Variants in NKAIN2 observed in about 807,000 individuals in gnomAD.
The protein encoded by NKAIN2 is sodium/potassium transporting ATPase interacting 2.
A neutral mutation model predicts 32.6 loss-of-function variants in NKAIN2; 14 were observed. The observed-to-expected ratio is 0.43, with a 90% CI of 0.28 to 0.67. NKAIN2 has a LOEUF of 0.67. Among genes scored for constraint, NKAIN2 ranks in the 30% least tolerant of loss-of-function variants. NKAIN2 has a pLI of 0.17. For synonymous variants in NKAIN2, 80 were observed against 87.2 expected (o/e 0.92, Z 0.46); for missense variants, 198 against 258.3 (o/e 0.77, Z 1.60).
intron 1 of NKAIN2, among the ~76,000 whole-genome samples, chr6:124,064,334 TAA>T (rs1212018007): frequency 6.6e-6 from 1 of 152,158 alleles, no homozygotes; most frequent in East Asian, 1.9e-4. Flanking sequence ...GTGCTTTTGC[TAA>T]AAAAATGTGA....
At chr6:124,014,882 A>G (rs889961309) in intron 1 of NKAIN2, among the ~76,000 whole-genome samples, 1 of 152,114 alleles carries the variant, frequency 6.6e-6, no homozygotes, top group Non-Finnish European at 1.5e-5. Flanking sequence ...AACATTTATT[A>G]CTTGTTTAAC....
intron 4 of NKAIN2, among the ~76,000 whole-genome samples, chr6:124,666,437 A>G (rs1397093949): frequency 6.6e-6 from 1 of 152,130 alleles, no homozygotes. Context: ...AATAGTAAAA[A>G]ATATTATTAT....
Position 124,004,320 on chromosome 6 carries a change from A to G in NKAIN2, c.54+200066A>G, listed in dbSNP as rs80088823. ...TTTGTTTACAGGATAGATCTTCAGT[A>G]AAGAGAATGCAGCCTGAATCATTCA... is the stretch of plus-strand genomic sequence containing the variant. On this transcript the variant is annotated intron_variant, in intron 1 of 6. Coordinates refer to ENST00000368417, the MANE Select transcript of NKAIN2 (RefSeq NM_001040214.3). 1.1e-3 allele frequency among the ~76,000 whole-genome samples: 164 copies of G among 152,256 alleles called. 1 individual carries two copies. In the East Asian group the frequency reaches 0.029, roughly 27 times the overall value.
rs559196089 is a variant in NKAIN2 at position 123,909,389 on chromosome 6, G to T, written c.54+105135G>T. ...TGCTGGGTGTGTGGAATGATTCTGG[G>T]ACTACTTCACAGGAAAAAACGAATA... On this transcript the variant is annotated intron_variant, in intron 1 of 6. Coordinates refer to ENST00000368417, the MANE Select transcript of NKAIN2 (RefSeq NM_001040214.3). 1.1e-4 allele frequency among the ~76,000 whole-genome samples: 16 copies of T among 152,202 alleles called. No homozygotes were observed. The South Asian group carries it at 3.1e-3, about 30-fold the overall frequency.
At chr6:124,044,678 CA>C (rs1782037411) in intron 1 of NKAIN2, among the ~76,000 whole-genome samples, 1 of 152,038 alleles carries the variant, frequency 6.6e-6, no homozygotes, top group Admixed American at 6.6e-5. Context: ...CTGTGTTAAA[CA>C]AGGCCATTCG....
intron 1 of NKAIN2, among the ~76,000 whole-genome samples, chr6:124,196,081 A>G (rs1341079927): frequency 1.3e-5 from 2 of 152,146 alleles, no homozygotes; most frequent in African/African-American, 4.8e-5. Flanking sequence ...TTTCTTTCCA[A>G]CAAACTAGTG....
intron 1 of NKAIN2, among the ~76,000 whole-genome samples, chr6:123,820,231 C>G (rs1444325444): frequency 6.6e-6 from 1 of 152,150 alleles, no homozygotes; most frequent in African/African-American, 2.4e-5. Context: ...GCAAAGGATA[C>G]ATTGATTAGT....
intron 3 of NKAIN2, among the ~76,000 whole-genome samples, chr6:124,552,633 T>C (rs1403236773): frequency 5.3e-5 from 8 of 152,188 alleles, no homozygotes; most frequent in African/African-American, 1.9e-4. Context: ...GCCAAGCCAA[T>C]GAAGTCACTG....
intron 3 of NKAIN2, among the ~76,000 whole-genome samples, chr6:124,564,830 A>G (rs1780842809): frequency 6.6e-6 from 1 of 152,252 alleles, no homozygotes; most frequent in Non-Finnish European, 1.5e-5. Context: ...AAATAGTTGC[A>G]GAAAGGCAAG....
rs938947753 is a variant in NKAIN2 at position 124,113,605 on chromosome 6, T to C, written c.55-169400T>C. Among the ~76,000 whole-genome samples, 4 of 152,160 alleles carry C rather than the reference T, an allele frequency of 2.6e-5. No individual in the cohort carries two copies. In the South Asian group the frequency reaches 8.3e-4, roughly 32 times the overall value. On this transcript the variant is annotated intron_variant, in intron 1 of 6. Transcript: ENST00000368417. ...AGGCTAGCAAGGCAAAGGCCAGTTC[T>C]CTGTGTCCCCCCGCCCCGACTCCCC...
At chr6:124,435,241 A>T (rs556736443) in intron 3 of NKAIN2, among the ~76,000 whole-genome samples, 2 of 152,238 alleles carry the variant, frequency 1.3e-5, no homozygotes, top group African/African-American at 4.8e-5. Flanking sequence ...ATGTTTGAGA[A>T]ATCAAGGAAA....
At chr6:124,796,234 T>A (rs1488110681) in intron 5 of NKAIN2, among the ~76,000 whole-genome samples, 1 of 152,122 alleles carries the variant, frequency 6.6e-6, no homozygotes, top group African/African-American at 2.4e-5. Context: ...AAAATCTAGG[T>A]GTTAGAAACC....
At chr6:124,789,263 G>C (rs1433024845) in intron 4 of NKAIN2, among the ~76,000 whole-genome samples, 1 of 152,046 alleles carries the variant, frequency 6.6e-6, no homozygotes, top group Non-Finnish European at 1.5e-5. Flanking sequence ...ATGAATTGAT[G>C]AGTAAGAATT....
intron 1 of NKAIN2, among the ~76,000 whole-genome samples, chr6:124,182,736 G>T (rs1477338249): frequency 6.6e-6 from 1 of 152,050 alleles, no homozygotes; most frequent in East Asian, 1.9e-4. Flanking sequence ...AATAATTAAG[G>T]TGTCAGATGG....
chr6:124,040,658 C>A lies in NKAIN2; in HGVS notation c.54+236404C>A, dbSNP rs374326230. 1.4e-4 allele frequency among the ~76,000 whole-genome samples: 21 copies of A among 152,020 alleles called. No homozygotes were observed. In the South Asian group the frequency reaches 4.4e-3, roughly 32 times the overall value. On this transcript the variant is annotated intron_variant, in intron 1 of 6. Transcript: ENST00000368417. ...GCTTGATGATATTATGGAATGAACA[C>A]CAGATAACTATGATATAGGTGTTTT...
In NKAIN2 at chr6:124,308,987, C is replaced by CT. The variant is rs573041819; in HGVS notation, c.192+25847dup. ...ATTACAGAATGATAATACCTATCGA[C>CT]TTGGAAAATAAAAGAGACTACAGAA... On this transcript the variant is annotated intron_variant, in intron 2 of 6. Coordinates refer to ENST00000368417, the MANE Select transcript of NKAIN2 (RefSeq NM_001040214.3). Among the ~76,000 whole-genome samples, 24 of 152,250 alleles carry CT rather than the reference C, an allele frequency of 1.6e-4. No individual in the cohort carries two copies. The South Asian group carries it at 5.0e-3, about 32-fold the overall frequency.
At chr6:124,352,413 T>C (rs1447486543) in intron 2 of NKAIN2, among the ~76,000 whole-genome samples, 1 of 152,224 alleles carries the variant, frequency 6.6e-6, no homozygotes, top group Non-Finnish European at 1.5e-5. Flanking sequence ...ATATATACCA[T>C]GTGAATACAG....
rs190663836 is a variant in NKAIN2, at chr6:124,156,953, A to C, written c.55-126052A>C. On this transcript the variant is annotated intron_variant, in intron 1 of 6. Transcript: ENST00000368417. ...CCCCGTCTTTACTAAAAATACAAAA[A>C]TTAACGTGGTGTGGTGGTGCACATC... is the stretch of plus-strand genomic sequence containing the variant. Among the ~76,000 whole-genome samples, 10 of 151,826 alleles carry C rather than the reference A, an allele frequency of 6.6e-5. No individual in the cohort carries two copies. In the East Asian group the frequency reaches 2.0e-3, roughly 30 times the overall value.
intron 3 of NKAIN2, among the ~76,000 whole-genome samples, chr6:124,584,705 G>A (rs1024911343): frequency 2.7e-5 from 4 of 149,096 alleles, no homozygotes; most frequent in African/African-American, 7.4e-5. Flanking sequence ...CATATGAAAA[G>A]GTGTTGAACA....
Sources: allele counts gnomAD v4.1 joint callset (sites outside exome capture counted in the v4.1 genomes callset), GRCh38; gene constraint gnomAD v4.1.1; transcripts MANE v1.5; gene names NCBI Gene and HGNC (gene_info 2026-07-23, HGNC 2026-07-21).